RPL3L: variants seen among roughly 807,000 people sequenced by gnomAD.
RPL3L encodes ribosomal protein uL3-like.
Under a neutral mutation model 44.5 loss-of-function variants are expected in RPL3L, and 44 were observed. That is an observed-to-expected ratio of 0.99 (90% CI 0.78 to 1.27). The LOEUF (loss-of-function observed/expected upper bound fraction) is 1.27, where lower values mean the gene tolerates loss of function less well. RPL3L is among the 50% of genes most tolerant of loss of function. RPL3L has a pLI of 0.00. For synonymous variants in RPL3L, 292 were observed against 230.7 expected (o/e 1.27, Z -2.41); for missense variants, 631 against 569.1 (o/e 1.11, Z -1.11).
At chr16:1,946,845 C>A in intron 6 of RPL3L, 93 bp downstream of exon 6, 1 of 1,562,478 alleles carries the variant, frequency 6.4e-7, no homozygotes. Flanking sequence ...GTGTCCCCGG[C>A]AGTGTCTGGG....
intron 3 of RPL3L, among the ~76,000 whole-genome samples, chr16:1,951,909 C>T (rs948460334): frequency 6.6e-5 from 10 of 151,916 alleles, no homozygotes; most frequent in African/African-American, 2.4e-4. Context: ...CTAGGAAACT[C>T]AGAGCCAATG....
In RPL3L at chr16:1,944,201, T is replaced by A. The variant is rs902922137; in HGVS notation, c.*636A>T. ...CTAGATTGCATTTTTAGGACTAACATTAGCCACAATATTGGGAATTATGGT... is the reference window on the plus strand; with the variant it reads ...CTAGATTGCATTTTTAGGACTAACAATAGCCACAATATTGGGAATTATGGT... On this transcript the variant is annotated 3_prime_UTR_variant, in exon 10 of 10. Transcript: ENST00000268661. 1 of 152,366 alleles carries A rather than the reference T, an allele frequency of 6.6e-6. No individual in the cohort carries two copies. The highest frequency in any genetic ancestry group is 2.4e-5 in the African/African-American group (1 of 41,454). 9.4% of individuals were successfully genotyped at this position (152,366 alleles called of 1,614,324 possible).
intron 3 of RPL3L, 38 bp downstream of exon 3, chr16:1,952,836 A>G (rs763757272): frequency 6.2e-7 from 1 of 1,609,414 alleles, no homozygotes; most frequent in Non-Finnish European, 8.5e-7. Context: ...CTGTGGTCCC[A>G]GCAGCCCTTG....
Position 1,952,950 on chromosome 16 carries a change from G to A in RPL3L, c.289C>T (p.Arg97Ter), listed in dbSNP as rs762972972. Residue 97 changes from arginine (R) to a stop codon, truncating the protein, a stop_gained, in exon 3 of 10, where the codon CGA becomes TGA. Coordinates refer to ENST00000268661, the MANE Select transcript of RPL3L (RefSeq NM_005061.3). LOFTEE classifies it high-confidence loss of function. ...VGVVGYVATP[R>*]GLRSFKTIFA... Reference sequence around the variant, plus strand: ...ATGGTCTTGAAGCTCCGGAGACCTCGAGGGGTGGCCACGTAGCCCACCACG... The same window carrying A: ...ATGGTCTTGAAGCTCCGGAGACCTCAAGGGGTGGCCACGTAGCCCACCACG... 2.3e-5 allele frequency: 37 copies of A among 1,613,778 alleles called. No homozygotes were observed. The East Asian group carries it at 2.5e-4, about 11-fold the overall frequency.
chr16:1,946,017 G>A, intron 7 of RPL3L, 87 bp from the exon 8 acceptor site: 3 of 1,186,808 alleles, frequency 2.5e-6, no homozygotes, highest in Middle Eastern at 2.0e-4. Flanking sequence ...CCCCCAGAGG[G>A]GGCAGTGATA....
At chr16:1,946,801 A>C in intron 6 of RPL3L, 75 bp from the exon 7 acceptor site, 2 of 1,587,498 alleles carry the variant, frequency 1.3e-6, no homozygotes, top group Non-Finnish European at 1.7e-6. Context: ...CCATCCGCCC[A>C]CATGCTCAGA....
At chr16:1,946,024 G>C (rs2083118903) in intron 7 of RPL3L, 94 bp from the exon 8 acceptor site, 30 of 1,067,128 alleles carry the variant, frequency 2.8e-5, no homozygotes, top group Non-Finnish European at 3.8e-5. Context: ...AGGGGGCAGT[G>C]ATAGGCAGGA....
rs368676621 is a variant in RPL3L, at chr16:1,954,669, G to A, written c.-38C>T. ...CTGAAGGTCAGGAAGGGGCCTCGCCGCTAGCCGCCAGAGGTCGAGTGGCAG... is the reference window on the plus strand; with the variant it reads ...CTGAAGGTCAGGAAGGGGCCTCGCCACTAGCCGCCAGAGGTCGAGTGGCAG... On this transcript the variant is annotated 5_prime_UTR_variant, in exon 1 of 10. Coordinates refer to ENST00000268661, the MANE Select transcript of RPL3L (RefSeq NM_005061.3). The A allele has an allele frequency of 4.6e-5, 69 of 1,513,736 alleles. No individual in the cohort carries two copies. The highest frequency in any genetic ancestry group is 1.6e-4 in the East Asian group (6 of 38,090). The allele number at this position is 1,513,736 out of a possible 1,614,324, so 93.8% of individuals were successfully genotyped here. A position where few individuals can be genotyped will look rare whatever the true frequency, so the allele number is the denominator to read the frequency against.
At chr16:1,954,314 G>A (rs1597030964) in intron 1 of RPL3L, among the ~76,000 whole-genome samples, 166 bp from the exon 2 acceptor site, 1 of 152,252 alleles carries the variant, frequency 6.6e-6, no homozygotes, top group Non-Finnish European at 1.5e-5. Flanking sequence ...GTTCACCAAG[G>A]GGCAGCGTCT....
chr16:1,947,428 C>G (rs769651555), intron 4 of RPL3L, 48 bp from the exon 5 acceptor site: 1 of 1,475,932 alleles, frequency 6.8e-7, no homozygotes, highest in Non-Finnish European at 9.0e-7. Context: ...GGATCACACC[C>G]CCACCTGAAA....
At chr16:1,945,374 A>T (rs890582621) in intron 9 of RPL3L, 125 bp downstream of exon 9, 88 of 992,546 alleles carry the variant, frequency 8.9e-5, no homozygotes, top group Non-Finnish European at 1.1e-4. Context: ...AATAAATAAA[A>T]AAAAAAGAGT....
rs776970967 is a variant in RPL3L at position 1,952,976 on chromosome 16, CCCA to C, written c.260_262del (p.Val87del). On this transcript the variant is annotated inframe_deletion, in exon 3 of 10. Coordinates refer to ENST00000268661, the MANE Select transcript of RPL3L (RefSeq NM_005061.3). ...AGGGGTGGCCACGTAGCCCACCACGCCCACCACCACTAGGGGCGGCGTTTCTAC... is the reference window on the plus strand; with the variant it reads ...AGGGGTGGCCACGTAGCCCACCACGCCCACCACTAGGGGCGGCGTTTCTAC... 2 of 1,612,748 alleles carry C rather than the reference CCCA, an allele frequency of 1.2e-6. No individual in the cohort carries two copies. The highest frequency in any genetic ancestry group is 4.5e-5 in the East Asian group (2 of 44,868).
chr16:1,945,667 C>T lies in RPL3L; in HGVS notation c.1048-49G>A, dbSNP rs557405925. ...ACATCAAGTGTGGGGATCCCCCACACCCTGCTGTGAACCTCCAAGCCCCAC... is the reference window on the plus strand; with the variant it reads ...ACATCAAGTGTGGGGATCCCCCACATCCTGCTGTGAACCTCCAAGCCCCAC... On this transcript the variant is annotated intron_variant, in intron 8 of 9. Coordinates refer to ENST00000268661, the MANE Select transcript of RPL3L (RefSeq NM_005061.3). The T allele has an allele frequency of 2.4e-5, 39 of 1,611,830 alleles. No individual in the cohort carries two copies. In the South Asian group the frequency reaches 3.4e-4, roughly 14 times the overall value.
Position 1,947,009 on chromosome 16 carries a change from CGG to C in RPL3L, c.776_777del (p.Pro259ArgfsTer105). 6.2e-7 allele frequency: 1 copy of C among 1,612,060 alleles called. No individual in the cohort carries two copies. The highest frequency in any genetic ancestry group is 8.5e-7 in the Non-Finnish European group (1 of 1,179,670). On this transcript the variant is annotated frameshift_variant, in exon 6 of 10. Transcript: ENST00000268661. LOFTEE classifies it high-confidence loss of function. ...RKVACIGAWHPARVGCSIARA... is the reference protein window; with the variant it reads ...RKVACIGAWHXARVGCSIARA... ...CGAGCAATGGAGCAGCCCACGCGGGCGGGGTGCCAGGCGCCAATGCAGGCCAC... is the reference window on the plus strand; with the variant it reads ...CGAGCAATGGAGCAGCCCACGCGGGCGGTGCCAGGCGCCAATGCAGGCCAC...
At chr16:1,949,295 C>T (rs1481819657) in intron 4 of RPL3L, among the ~76,000 whole-genome samples, 1 of 133,444 alleles carries the variant, frequency 7.5e-6, no homozygotes, top group Non-Finnish European at 1.5e-5. Context: ...ACTCTATCGC[C>T]CGGGCTGGAG....
intron 8 of RPL3L, 59 bp downstream of exon 8, chr16:1,945,771 CGCAGG>C: frequency 1.2e-6 from 2 of 1,607,404 alleles, no homozygotes; most frequent in Non-Finnish European, 1.7e-6. Context: ...CGTAGCAGGC[CGCAGG>C]GCAGGACAGG....
At position 1,949,249 on chromosome 16, in the gene RPL3L, T is replaced by G. The variant is rs568544146; in HGVS notation, c.501+1595A>C. On this transcript the variant is annotated intron_variant, in intron 4 of 9. Transcript: ENST00000268661. ...AGCCACTGGGCCTGATTTTTGTTTT[T>G]TTTTTTTTTCTTTTTTTTTTTTTTT... Among the ~76,000 whole-genome samples, 525 of 110,686 alleles carry G rather than the reference T, an allele frequency of 4.7e-3. 1 individual carries two copies. The highest frequency in any genetic ancestry group is 9.6e-3 in the Admixed American group (92 of 9,606). 72.6% of individuals were successfully genotyped at this position (110,686 alleles called of 152,430 possible).
chr16:1,947,819 G>A (rs985476595), intron 4 of RPL3L, among the ~76,000 whole-genome samples: 3 of 152,194 alleles, frequency 2.0e-5, no homozygotes, highest in Admixed American at 6.5e-5. Context: ...TGGAAAGTTG[G>A]TGGGACAGAG....
chr16:1,951,748 ATTAT>A (rs1195711709), intron 3 of RPL3L, among the ~76,000 whole-genome samples: 1 of 147,334 alleles, frequency 6.8e-6, no homozygotes, highest in East Asian at 2.0e-4. Context: ...TATTATTATT[ATTAT>A]TATTATTATT....
Sources: gnomAD v4.1 joint callset for allele counts (sites outside exome capture counted in the v4.1 genomes callset) on GRCh38, gnomAD v4.1.1 for gene constraint, MANE v1.5 for transcripts, NCBI Gene and HGNC (gene_info 2026-07-23, HGNC 2026-07-21) for gene names.